The following ATOSA variants were observed in gnomAD, a reference collection of about 807,000 sequenced individuals.
ATOSA encodes atos homolog protein A.
the ATOSA span, chr15:52,613,719 C>G: frequency 2.4e-5 from 38 of 1,613,802 alleles, no homozygotes; most frequent in African/African-American, 4.4e-4. Context: ...TACTGGGTAA[C>G]AAGACTGTGC....
At chr15:52,694,920 GTT>G in the ATOSA span, among the ~76,000 whole-genome samples, 2 of 130,440 alleles carry the variant, frequency 1.5e-5, no homozygotes, top group East Asian at 4.4e-4. Context: ...TTTTTTTTCT[GTT>G]TTTTTTTGTT....
chr15:52,582,436 T>G, the ATOSA span: 1 of 729,782 alleles, frequency 1.4e-6, no homozygotes. Flanking sequence ...CTCTTTAACA[T>G]GATATTTAAG....
At chr15:52,608,570 A>G in the ATOSA span, 8 of 1,563,422 alleles carry the variant, frequency 5.1e-6, no homozygotes, top group East Asian at 2.3e-5. Flanking sequence ...TTACTTACCA[A>G]TACCTCTGTA....
the ATOSA span, among the ~76,000 whole-genome samples, chr15:52,661,656 T>C: frequency 6.6e-6 from 1 of 152,218 alleles, no homozygotes; most frequent in Non-Finnish European, 1.5e-5. Context: ...TGTTTTGTTG[T>C]TGTTAGCAAC....
At chr15:52,634,597 T>G in the ATOSA span, among the ~76,000 whole-genome samples, 1 of 103,488 alleles carries the variant, frequency 9.7e-6, no homozygotes, top group Non-Finnish European at 1.8e-5. Context: ...ATGTCCATTT[T>G]TCTTTTCTTT....
chr15:52,637,610 G>A, the ATOSA span, among the ~76,000 whole-genome samples: 33 of 152,040 alleles, frequency 2.2e-4, no homozygotes, highest in African/African-American at 8.0e-4. Flanking sequence ...ATCTCTTACC[G>A]TTCCCATCCA....
the ATOSA span, chr15:52,610,033 G>A: frequency 6.2e-7 from 1 of 1,613,936 alleles, no homozygotes; most frequent in Non-Finnish European, 8.5e-7. Flanking sequence ...ATTTTTGACA[G>A]CTGCAGTATA....
At chr15:52,594,541 G>A in the ATOSA span, among the ~76,000 whole-genome samples, 2 of 152,146 alleles carry the variant, frequency 1.3e-5, no homozygotes, top group African/African-American at 2.4e-5. Flanking sequence ...GATTCTAAAA[G>A]TTTGTGTAGT....
At chr15:52,593,852 A>G in the ATOSA span, 2 of 1,008,634 alleles carry the variant, frequency 2.0e-6, no homozygotes, top group Non-Finnish European at 2.8e-6. Context: ...AAAGAAATAT[A>G]TTACTATGCT....
At chr15:52,583,425 G>A in the ATOSA span, among the ~76,000 whole-genome samples, 1 of 138,264 alleles carries the variant, frequency 7.2e-6, no homozygotes, top group South Asian at 2.3e-4. Flanking sequence ...TCATTCATGT[G>A]AGAGTCTTGC....
At chr15:52,611,082 C>G in the ATOSA span, 3 of 1,531,700 alleles carry the variant, frequency 2.0e-6, no homozygotes, top group Non-Finnish European at 2.6e-6. Flanking sequence ...GGTTGCTAAC[C>G]AAGGTGGCTG....
At chr15:52,684,371 AT>A in the ATOSA span, among the ~76,000 whole-genome samples, 1 of 152,180 alleles carries the variant, frequency 6.6e-6, no homozygotes, top group Non-Finnish European at 1.5e-5. Context: ...CACTGTCTCT[AT>A]AAAAAAGTTA....
the ATOSA span, among the ~76,000 whole-genome samples, chr15:52,683,807 TTTC>T: frequency 6.6e-6 from 1 of 152,182 alleles, no homozygotes; most frequent in East Asian, 1.9e-4. Context: ...GGTCTCTTAG[TTTC>T]ATTTTCCACC....
the ATOSA span, among the ~76,000 whole-genome samples, chr15:52,601,983 C>T: frequency 2.6e-5 from 4 of 152,188 alleles, no homozygotes; most frequent in African/African-American, 7.2e-5. Flanking sequence ...GTCTTCAATT[C>T]TGGAAAGTTC....
At chr15:52,655,011 G>A in the ATOSA span, among the ~76,000 whole-genome samples, 2 of 151,868 alleles carry the variant, frequency 1.3e-5, no homozygotes, top group East Asian at 1.9e-4. Context: ...ATCTCTTTAC[G>A]TACTCTTCTC....
At chr15:52,593,692 A>G in the ATOSA span, 4 of 1,558,498 alleles carry the variant, frequency 2.6e-6, no homozygotes, top group Non-Finnish European at 3.5e-6. Flanking sequence ...CAGTAAAACC[A>G]TCAACAATGC....
At chr15:52,602,183 G>C in the ATOSA span, among the ~76,000 whole-genome samples, 1 of 152,004 alleles carries the variant, frequency 6.6e-6, no homozygotes, top group African/African-American at 2.4e-5. Context: ...TCTCTATTGA[G>C]CCGATCCTAG....
At chr15:52,637,781 A>C in the ATOSA span, among the ~76,000 whole-genome samples, 1 of 152,114 alleles carries the variant, frequency 6.6e-6, no homozygotes, top group Non-Finnish European at 1.5e-5. Context: ...AGCCTCCCTT[A>C]CTCTCTCAGG....
the ATOSA span, among the ~76,000 whole-genome samples, chr15:52,582,894 C>G: frequency 3.3e-5 from 5 of 152,230 alleles, no homozygotes; most frequent in Admixed American, 2.6e-4. Context: ...CTGCTAATAT[C>G]TGTAATACAG....
Sources: gnomAD v4.1 joint callset for allele counts (sites outside exome capture counted in the v4.1 genomes callset) on GRCh38, gnomAD v4.1.1 for gene constraint, MANE v1.5 for transcripts, NCBI Gene and HGNC (gene_info 2026-07-23, HGNC 2026-07-21) for gene names.